SSBP3: variants seen among roughly 807,000 people sequenced by gnomAD.
SSBP3 encodes the protein single stranded DNA binding protein 3, also known as single-stranded DNA-binding protein 3.
A neutral mutation model predicts 69.6 loss-of-function variants in SSBP3; 5 were observed. That is an observed-to-expected ratio of 0.07 (90% CI 0.04 to 0.15). The LOEUF (loss-of-function observed/expected upper bound fraction) is 0.15, where lower values mean the gene tolerates loss of function less well. Ranked by LOEUF, SSBP3 falls within the 10% of genes least tolerant of loss-of-function variation. The pLI is 1.00. For synonymous variants in SSBP3, 196 were observed against 193.4 expected (o/e 1.01, Z -0.11); for missense variants, 312 against 534.0 (o/e 0.58, Z 4.10).
intron 14 of SSBP3, among the ~76,000 whole-genome samples, chr1:54,233,725 C>A (rs1444907378): frequency 1.3e-5 from 2 of 150,694 alleles, no homozygotes; most frequent in Non-Finnish European, 3.0e-5. Context: ...GGGGGGTCAG[C>A]CCCCCGCCCA....
At chr1:54,381,385 A>C (rs937306990) in intron 4 of SSBP3, among the ~76,000 whole-genome samples, 3 of 97,456 alleles carry the variant, frequency 3.1e-5, no homozygotes, top group East Asian at 4.4e-4. Context: ...ACCATCTCAA[A>C]AAAAAAAAAA....
rs1649609203 is a variant in SSBP3, at chr1:54,404,995, G to T, written c.57-65C>A. On this transcript the variant is annotated intron_variant, in intron 1 of 17. Coordinates refer to ENST00000610401, the Ensembl canonical transcript of SSBP3. ...CGTCAGATCCCACCGGCGCTCTCCAGGACCTTGCCAGCAGGCTTTGAGCCC... is the reference window on the plus strand; with the variant it reads ...CGTCAGATCCCACCGGCGCTCTCCATGACCTTGCCAGCAGGCTTTGAGCCC... The T allele has an allele frequency of 3.5e-6, 5 of 1,437,328 alleles. No homozygotes were observed. The South Asian group carries it at 5.9e-5, about 17-fold the overall frequency. The allele number at this position is 1,437,328 out of a possible 1,614,324, so 89.0% of individuals were successfully genotyped here.
At chr1:54,394,695 C>CTTTT (rs544898836) in intron 4 of SSBP3, among the ~76,000 whole-genome samples, 58 of 97,148 alleles carry the variant, frequency 6.0e-4, no homozygotes, top group South Asian at 1.2e-3. Flanking sequence ...CTTAAGACTC[C>CTTTT]TTTTTTTTTT....
chr1:54,315,600 T>TA (rs552733178), intron 4 of SSBP3, among the ~76,000 whole-genome samples: 1,684 of 136,256 alleles, frequency 0.012, 10 homozygotes, highest in Admixed American at 0.019. Context: ...TTTTTTAATT[T>TA]AAAAAAAAAA....
chr1:54,390,022 T>C (rs1287037881), intron 4 of SSBP3, among the ~76,000 whole-genome samples: 1 of 152,154 alleles, frequency 6.6e-6, no homozygotes, highest in Non-Finnish European at 1.5e-5. Flanking sequence ...GTTTTGAGTA[T>C]GACAATAGAC....
intron 5 of SSBP3, among the ~76,000 whole-genome samples, chr1:54,271,978 C>G (rs1402702526): frequency 6.6e-6 from 1 of 152,078 alleles, no homozygotes; most frequent in African/African-American, 2.4e-5. Flanking sequence ...CCATGTTGGT[C>G]AGGCTGGTCT....
At chr1:54,348,513 G>T (rs906796338) in intron 4 of SSBP3, among the ~76,000 whole-genome samples, 1 of 152,106 alleles carries the variant, frequency 6.6e-6, no homozygotes, top group African/African-American at 2.4e-5. Flanking sequence ...CACAGCTGCC[G>T]CACTTCAAGC....
chr1:54,289,021 AAAAAAAAAAAAAAAAC>A (rs1225499350), intron 4 of SSBP3, among the ~76,000 whole-genome samples: 5 of 46,546 alleles, frequency 1.1e-4, no homozygotes, highest in Non-Finnish European at 2.0e-4. Context: ...CTCTGTCTCC[AAAAAAAAAAAAAAAAC>A]AAAAAAACAA....
At chr1:54,282,475 A>G (rs1645413037) in intron 4 of SSBP3, among the ~76,000 whole-genome samples, 1 of 152,184 alleles carries the variant, frequency 6.6e-6, no homozygotes, top group South Asian at 2.1e-4. Flanking sequence ...TTTTCTCTTT[A>G]AACACTGCTG....
chr1:54,265,248 C>G (rs1645080960), intron 5 of SSBP3, among the ~76,000 whole-genome samples: 1 of 152,172 alleles, frequency 6.6e-6, no homozygotes, highest in Non-Finnish European at 1.5e-5. Context: ...AACGTTATTT[C>G]TTCATTTCAA....
intron 5 of SSBP3, among the ~76,000 whole-genome samples, chr1:54,270,457 G>GT (rs1426369250): frequency 1.3e-5 from 2 of 152,192 alleles, no homozygotes; most frequent in Non-Finnish European, 1.5e-5. Context: ...GGGAAGTAAC[G>GT]TGTTAAAGGG....
At chr1:54,346,554 C>T (rs572943198) in intron 4 of SSBP3, among the ~76,000 whole-genome samples, 23 of 152,174 alleles carry the variant, frequency 1.5e-4, no homozygotes, top group African/African-American at 4.8e-4. Flanking sequence ...GTGGCTCACA[C>T]CTGTAATCCC....
chr1:54,235,448 A>AT (rs71580002), intron 14 of SSBP3, among the ~76,000 whole-genome samples: 3,162 of 69,868 alleles, frequency 0.045, 223 homozygotes, highest in Non-Finnish European at 0.059. Flanking sequence ...TGCCCGGCTG[A>AT]TTTTTTTTTT....
intron 5 of SSBP3, among the ~76,000 whole-genome samples, chr1:54,271,872 C>T (rs1023268905): frequency 2.0e-5 from 3 of 152,120 alleles, no homozygotes; most frequent in Non-Finnish European, 4.4e-5. Flanking sequence ...TGGGTTCAAG[C>T]GATTCTCTTG....
intron 5 of SSBP3, among the ~76,000 whole-genome samples, chr1:54,259,283 G>A (rs1187509120): frequency 1.3e-5 from 2 of 152,044 alleles, no homozygotes; most frequent in African/African-American, 2.4e-5. Context: ...TTAAAAATCC[G>A]AGGTAATAAA....
At chr1:54,323,424 C>T (rs1454194147) in intron 4 of SSBP3, among the ~76,000 whole-genome samples, 4 of 152,198 alleles carry the variant, frequency 2.6e-5, no homozygotes, top group African/African-American at 9.6e-5. Flanking sequence ...GAAACCAGTT[C>T]CTCCAGCAGG....
chr1:54,303,019 A>C (rs1410315522), intron 4 of SSBP3, among the ~76,000 whole-genome samples: 1 of 152,242 alleles, frequency 6.6e-6, no homozygotes, highest in East Asian at 1.9e-4. Flanking sequence ...CACGTGAAAC[A>C]ATTAGTGAAC....
rs539930792 is a variant in SSBP3, at chr1:54,251,499, T to C, written c.651+117A>G. ...AGGAGCAGGGGATGCGGCCATGCCC[T>C]TCCTCTCACCCCTGCGAACTGAGAG... On this transcript the variant is annotated intron_variant, in intron 9 of 17. Transcript: ENST00000610401. 4 of 1,155,008 alleles carry C rather than the reference T, an allele frequency of 3.5e-6. No homozygotes were observed. In the African/African-American group the frequency reaches 4.7e-5, roughly 14 times the overall value. 71.5% of individuals were successfully genotyped at this position (1,155,008 alleles called of 1,614,324 possible).
intron 4 of SSBP3, among the ~76,000 whole-genome samples, chr1:54,323,640 G>A (rs1407644301): frequency 6.6e-6 from 1 of 152,202 alleles, no homozygotes; most frequent in Non-Finnish European, 1.5e-5. Context: ...GGGTGGATGC[G>A]GGTGCTTGGG....
Sources: allele counts gnomAD v4.1 joint callset (sites outside exome capture counted in the v4.1 genomes callset), GRCh38; gene constraint gnomAD v4.1.1; transcripts MANE v1.5; gene names NCBI Gene and HGNC (gene_info 2026-07-23, HGNC 2026-07-21).